The following ZSWIM5 variants were observed in gnomAD, a reference collection of about 807,000 sequenced individuals.
ZSWIM5 encodes zinc finger SWIM-type containing 5.
ZSWIM5 carries 55 observed loss-of-function variants against 119.6 expected under a neutral mutation model. The ratio of observed to expected loss-of-function variants is 0.46; its 90% CI spans 0.37 to 0.58. The LOEUF (loss-of-function observed/expected upper bound fraction) is 0.58. ZSWIM5 is among the 20% of genes least tolerant of loss of function. The probability of loss-of-function intolerance (pLI) is 0.00; values close to 1 mark genes in which losing one functional copy is unlikely to be tolerated. For synonymous variants in ZSWIM5, 537 were observed against 606.9 expected (o/e 0.88, Z 1.69); for missense variants, 1,193 against 1,512.8 (o/e 0.79, Z 3.51).
chr1:45,057,759 G>A lies in ZSWIM5; in HGVS notation c.1252+850C>T, dbSNP rs1466332808. Among the ~76,000 whole-genome samples the A allele has an allele frequency of 6.6e-6, 1 of 152,170 alleles. No individual in the cohort carries two copies. The highest frequency in any genetic ancestry group is 1.5e-5 in the Non-Finnish European group (1 of 68,038). On this transcript the variant is annotated intron_variant, in intron 4 of 13. Transcript: ENST00000359600. The surrounding 1 kb of genome is among the most constrained non-coding windows in gnomAD (Gnocchi z 4.7). ...ATTGCAAAACTGGTCTTAGAGCAAGGGAATGCTAAAGAGAAATGATGGCCA... is the reference window on the plus strand; with the variant it reads ...ATTGCAAAACTGGTCTTAGAGCAAGAGAATGCTAAAGAGAAATGATGGCCA...
At chr1:45,121,314 T>C (rs1314614101) in intron 1 of ZSWIM5, among the ~76,000 whole-genome samples, 1 of 152,208 alleles carries the variant, frequency 6.6e-6, no homozygotes, top group African/African-American at 2.4e-5. Context: ...GTTTTCCTTA[T>C]TCATTGGCTT....
chr1:45,108,537 G>T (rs1394756743), intron 1 of ZSWIM5, among the ~76,000 whole-genome samples: 1 of 151,968 alleles, frequency 6.6e-6, no homozygotes, highest in Non-Finnish European at 1.5e-5. Flanking sequence ...AGATTTCCTG[G>T]CTACTTCTCT....
chr1:45,190,035 T>C (rs1045442396), intron 1 of ZSWIM5, among the ~76,000 whole-genome samples: 8 of 151,948 alleles, frequency 5.3e-5, no homozygotes, highest in Admixed American at 5.2e-4. Flanking sequence ...AAACAGTTGC[T>C]GGGTACAGTG....
At chr1:45,168,493 ATT>A (rs1176754061) in intron 1 of ZSWIM5, among the ~76,000 whole-genome samples, 1 of 147,734 alleles carries the variant, frequency 6.8e-6, no homozygotes, top group African/African-American at 2.6e-5. Context: ...ATATATATAT[ATT>A]TTTTTTAAAA....
rs752265658 is a variant in ZSWIM5, at chr1:45,019,100, G to A, written c.2912C>T (p.Thr971Ile). The A allele has an allele frequency of 6.2e-7, 1 of 1,614,218 alleles. No homozygotes were observed. The highest frequency in any genetic ancestry group is 8.5e-7 in the Non-Finnish European group (1 of 1,180,040). Residue 971 changes from threonine (T) to isoleucine (I), a missense_variant, in exon 14 of 14, where the codon ACA becomes ATA. Coordinates refer to ENST00000359600, the MANE Select transcript of ZSWIM5 (RefSeq NM_020883.2). This position sits in a 1 kb window ranked among gnomAD's most constrained non-coding sequence, Gnocchi z 5.0. ...GGCAATGTGGTCTTTCTCACAGAGT[G>A]TAAGGGCTGACAGGGCACAGCTCTG... ...DPQSCALSAL[T>I]LCEKDHIAFE...
intron 5 of ZSWIM5, among the ~76,000 whole-genome samples, chr1:45,046,663 T>G (rs1645056440): frequency 6.9e-6 from 1 of 145,846 alleles, no homozygotes; most frequent in South Asian, 2.1e-4. Flanking sequence ...TGTGTGTGTG[T>G]ATACACATAT....
At chr1:45,027,039 G>A (rs566066804) in intron 11 of ZSWIM5, among the ~76,000 whole-genome samples, 241 of 149,516 alleles carry the variant, frequency 1.6e-3, no homozygotes, top group Non-Finnish European at 3.0e-3. Flanking sequence ...TCCTTTTAAT[G>A]TTCATGGGGA....
chr1:45,125,205 G>A (rs990695147), intron 1 of ZSWIM5, among the ~76,000 whole-genome samples: 3 of 152,100 alleles, frequency 2.0e-5, no homozygotes, highest in African/African-American at 4.8e-5. Flanking sequence ...AAATTTCAAT[G>A]AATTTAAAAG....
intron 1 of ZSWIM5, among the ~76,000 whole-genome samples, chr1:45,150,953 T>C (rs1645793567): frequency 6.6e-6 from 1 of 152,192 alleles, no homozygotes; most frequent in African/African-American, 2.4e-5. Flanking sequence ...AATTCCAGCA[T>C]GACTCCTGAT....
chr1:45,152,880 T>A (rs1357961645), intron 1 of ZSWIM5, among the ~76,000 whole-genome samples: 2 of 151,732 alleles, frequency 1.3e-5, no homozygotes, highest in Non-Finnish European at 2.9e-5. Context: ...ATATCCAGAA[T>A]CTATAAAGAA....
intron 2 of ZSWIM5, among the ~76,000 whole-genome samples, chr1:45,082,986 T>C (rs1402659351): frequency 6.6e-6 from 1 of 152,144 alleles, no homozygotes; most frequent in African/African-American, 2.4e-5. Context: ...AAGCAGGCCA[T>C]AGCCCAGCTG....
Position 45,151,746 on chromosome 1 carries a change from CAT to C in ZSWIM5, c.595+54008_595+54009del, listed in dbSNP as rs993666739. Among the ~76,000 whole-genome samples the C allele has an allele frequency of 1.2e-3, 188 of 152,108 alleles. 3 individuals carry two copies. The highest frequency in any genetic ancestry group is 4.3e-3 in the African/African-American group (177 of 41,428). On this transcript the variant is annotated intron_variant, in intron 1 of 13. Coordinates refer to ENST00000359600, the MANE Select transcript of ZSWIM5 (RefSeq NM_020883.2). Reference sequence around the variant, plus strand: ...AATGTGCCAAGACTCGAAAAAGGAACATGTTTTCTGTTTAGCAGCTTTACTGA... The same window carrying C: ...AATGTGCCAAGACTCGAAAAAGGAACGTTTTCTGTTTAGCAGCTTTACTGA...
At chr1:45,167,947 C>A (rs1375996672) in intron 1 of ZSWIM5, among the ~76,000 whole-genome samples, 2 of 152,044 alleles carry the variant, frequency 1.3e-5, no homozygotes, top group African/African-American at 2.4e-5. Flanking sequence ...CTAGAAATAC[C>A]ATTTGACCCA....
intron 2 of ZSWIM5, among the ~76,000 whole-genome samples, chr1:45,085,037 T>C (rs1004369343): frequency 6.6e-6 from 1 of 152,266 alleles, no homozygotes; most frequent in Non-Finnish European, 1.5e-5. Context: ...AGCAGACTCC[T>C]GCCTGGACAT....
At chr1:45,082,189 C>A (rs551561496) in intron 2 of ZSWIM5, among the ~76,000 whole-genome samples, 2 of 151,648 alleles carry the variant, frequency 1.3e-5, no homozygotes, top group Non-Finnish European at 2.9e-5. Context: ...ACAAACGCTG[C>A]GGAAGGCCGC....
chr1:45,086,881 ATTT>A (rs377217727), intron 2 of ZSWIM5, among the ~76,000 whole-genome samples: 3 of 131,940 alleles, frequency 2.3e-5, no homozygotes, highest in Non-Finnish European at 3.2e-5. Flanking sequence ...TTCTTCTTAA[ATTT>A]TTTTTTTTTT....
chr1:45,022,609 CTG>C (rs1644895024), intron 11 of ZSWIM5, among the ~76,000 whole-genome samples: 1 of 152,298 alleles, frequency 6.6e-6, no homozygotes, highest in East Asian at 1.9e-4. Flanking sequence ...AGTTAATAGA[CTG>C]TGTCTTTAGA....
Position 45,018,512 on chromosome 1 carries a change from T to C in ZSWIM5, c.3500A>G (p.Lys1167Arg), listed in dbSNP as rs755962199. The C allele has an allele frequency of 1.2e-6, 2 of 1,614,034 alleles. No individual in the cohort carries two copies. The highest frequency in any genetic ancestry group is 4.5e-5 in the East Asian group (2 of 44,882). The change falls in exon 14 of 14, where the codon AAA becomes AGA. Residue 1167 changes from lysine to arginine, a missense_variant. Coordinates refer to ENST00000359600, the MANE Select transcript of ZSWIM5 (RefSeq NM_020883.2). This position sits in a 1 kb window ranked among gnomAD's most constrained non-coding sequence, Gnocchi z 6.7. ...LQFAQFIDNL[K>R]QIYKGKKKLM... ...CTTTTTCTTGCCTTTGTAGATCTGT[T>C]TGAGGTTGTCGATGAACTGGGCAAA...
chr1:45,029,453 C>T (rs1028554332), intron 11 of ZSWIM5, among the ~76,000 whole-genome samples: 3 of 152,122 alleles, frequency 2.0e-5, no homozygotes, highest in Admixed American at 1.3e-4. Context: ...TCAGGTAATC[C>T]ATGTTTTTTA....
Sources: allele counts gnomAD v4.1 joint callset (sites outside exome capture counted in the v4.1 genomes callset), GRCh38; gene constraint gnomAD v4.1.1; non-coding constraint Gnocchi (gnomAD v3.1); transcripts MANE v1.5; gene names NCBI Gene and HGNC (gene_info 2026-07-23, HGNC 2026-07-21).